Variants in ABCB1 observed in about 807,000 individuals in gnomAD.
The protein encoded by ABCB1 is ATP-dependent translocase ABCB1.
A neutral mutation model predicts 142.0 loss-of-function variants in ABCB1; 69 were observed. The observed-to-expected ratio is 0.49, with a 90% CI of 0.40 to 0.59. The LOEUF is 0.59. Ranked by LOEUF, ABCB1 falls within the 20% of genes least tolerant of loss-of-function variation. The pLI, the probability that ABCB1 is intolerant of heterozygous loss-of-function variation, is 0.00. For missense variants in ABCB1, 1,326 were observed against 1,554.7 expected, an observed-to-expected ratio of 0.85 and a Z score of 2.47; for synonymous variants, 532 against 539.2, an observed-to-expected ratio of 0.99 and a Z score of 0.18.
At chr7:87,571,497 A>G (rs182395054) in intron 4 of ABCB1, among the ~76,000 whole-genome samples, 5 of 150,730 alleles carry the variant, frequency 3.3e-5, no homozygotes, top group African/African-American at 1.2e-4. Context: ...TCTAAATGAG[A>G]ATAGAAAAGA....
intron 1 of ABCB1, among the ~76,000 whole-genome samples, chr7:87,668,974 A>G (rs951123307): frequency 2.0e-5 from 3 of 152,018 alleles, no homozygotes; most frequent in Non-Finnish European, 4.4e-5. Flanking sequence ...GGAGAGTTCT[A>G]TAGAGGTGTA....
chr7:87,705,766 G>C (rs1453674900), intron 1 of ABCB1, among the ~76,000 whole-genome samples: 1 of 151,840 alleles, frequency 6.6e-6, no homozygotes, highest in Non-Finnish European at 1.5e-5. Context: ...TCTGCTCTTG[G>C]GTCATATGCT....
chr7:87,519,359 G>A lies in ABCB1; in HGVS notation c.2894C>T (p.Ala965Val), dbSNP rs1815387101. 2 of 1,614,088 alleles carry A rather than the reference G, an allele frequency of 1.2e-6. No homozygotes were observed. Among genetic ancestry groups the A allele is most frequent in the South Asian group, 2.2e-5 (2 of 91,084 alleles). ...GCFRFGAYLV[A>V]HKLMSFEDVL... ...ATCCTCAAAGCTCATGAGTTTATGT[G>A]CCACCAAGTAGGCTCCAAACCGGAA... Residue 965 changes from alanine (A) to valine (V), a missense_variant, in exon 23 of 28, where the codon GCA (alanine) becomes GTA (valine). Physicochemically the swap from Ala to Val is moderately conservative, Grantham distance 64. Transcript: ENST00000622132.
At chr7:87,634,009 T>C (rs1360276547) in intron 1 of ABCB1, among the ~76,000 whole-genome samples, 1 of 152,032 alleles carries the variant, frequency 6.6e-6, no homozygotes, top group Non-Finnish European at 1.5e-5. Context: ...CAAAACATGG[T>C]GGAGAGAGTC....
chr7:87,634,651 A>T (rs1185338087), intron 1 of ABCB1, among the ~76,000 whole-genome samples: 1 of 152,146 alleles, frequency 6.6e-6, no homozygotes, highest in East Asian at 1.9e-4. Context: ...AAAAAAAAGA[A>T]CTTTAAATCC....
At chr7:87,580,453 C>CT (rs988269978) in intron 4 of ABCB1, among the ~76,000 whole-genome samples, 1 of 152,134 alleles carries the variant, frequency 6.6e-6, no homozygotes, top group African/African-American at 2.4e-5. Flanking sequence ...TTATTTGTTC[C>CT]TTTTCTCTTG....
intron 4 of ABCB1, among the ~76,000 whole-genome samples, chr7:87,581,846 C>T (rs1456036998): frequency 1.3e-5 from 2 of 152,160 alleles, no homozygotes; most frequent in Non-Finnish European, 2.9e-5. Context: ...ATCTAGTCCA[C>T]CCCCATGGAG....
In ABCB1 at chr7:87,549,913, C is replaced by A. The variant is rs1171458375; in HGVS notation, c.1492G>T (p.Asp498Tyr). Residue 498 changes from aspartate (D) to tyrosine (Y), a missense_variant, in exon 13 of 28, where the codon GAT becomes TAT. Coordinates refer to ENST00000622132, the MANE Select transcript of ABCB1 (RefSeq NM_001348946.2). ...TCCTTGACAGCTTTCTCAATCTCATCCATGGTGACATTTTCACGGCCATAG... is the reference window on the plus strand; with the variant it reads ...TCCTTGACAGCTTTCTCAATCTCATACATGGTGACATTTTCACGGCCATAG... Reference protein sequence around the residue: ...IRYGRENVTMDEIEKAVKEAN... With the variant: ...IRYGRENVTMYEIEKAVKEAN... 5.0e-6 allele frequency: 8 copies of A among 1,614,102 alleles called. No homozygotes were observed. The East Asian group carries it at 6.7e-5, about 13-fold the overall frequency.
chr7:87,655,264 C>T (rs1327872598), intron 1 of ABCB1, among the ~76,000 whole-genome samples: 1 of 152,130 alleles, frequency 6.6e-6, no homozygotes, highest in Non-Finnish European at 1.5e-5. Flanking sequence ...AGAGTTATCT[C>T]TACTCCCATG....
At chr7:87,665,459 A>G (rs1233922878) in intron 1 of ABCB1, among the ~76,000 whole-genome samples, 1 of 152,152 alleles carries the variant, frequency 6.6e-6, no homozygotes, top group African/African-American at 2.4e-5. Context: ...ATAGAAATAT[A>G]TCTCATGCTC....
At chr7:87,590,849 G>A (rs1012547376) in intron 3 of ABCB1, among the ~76,000 whole-genome samples, 1 of 152,184 alleles carries the variant, frequency 6.6e-6, no homozygotes. Context: ...GATATGATGT[G>A]GCTGCTATGG....
chr7:87,538,920 C>T (rs1438490311), intron 19 of ABCB1, among the ~76,000 whole-genome samples: 1 of 151,942 alleles, frequency 6.6e-6, no homozygotes, highest in East Asian at 1.9e-4. Flanking sequence ...AACACTCGTG[C>T]CCTGGGTTTG....
At chr7:87,527,208 T>C (rs1815820576) in intron 21 of ABCB1, among the ~76,000 whole-genome samples, 1 of 152,198 alleles carries the variant, frequency 6.6e-6, no homozygotes, top group Non-Finnish European at 1.5e-5. Flanking sequence ...GACCCAGCTC[T>C]GATCCTTAAT....
intron 2 of ABCB1, among the ~76,000 whole-genome samples, chr7:87,599,289 T>G (rs1819344031): frequency 6.6e-6 from 1 of 152,174 alleles, no homozygotes; most frequent in Non-Finnish European, 1.5e-5. Flanking sequence ...TGATCAAAAT[T>G]TACTTTAAAT....
intron 1 of ABCB1, among the ~76,000 whole-genome samples, chr7:87,620,579 T>C (rs1820190012): frequency 6.6e-6 from 1 of 152,244 alleles, no homozygotes; most frequent in South Asian, 2.1e-4. Context: ...TCCAGTATTT[T>C]AGTTTTGAAA....
intron 21 of ABCB1, among the ~76,000 whole-genome samples, chr7:87,525,300 C>G (rs533706323): frequency 6.6e-6 from 1 of 152,220 alleles, no homozygotes; most frequent in African/African-American, 2.4e-5. Context: ...AAAAAATAGC[C>G]TCCTGACATT....
At chr7:87,510,694 T>A in intron 25 of ABCB1, among the ~76,000 whole-genome samples, 1 of 152,096 alleles carries the variant, frequency 6.6e-6, no homozygotes. Flanking sequence ...TAGAGTACAA[T>A]CTTTGCTACA....
intron 25 of ABCB1, among the ~76,000 whole-genome samples, chr7:87,514,707 T>C (rs143725456): frequency 0.01 from 1,574 of 152,326 alleles, 10 homozygotes; most frequent in Non-Finnish European, 0.014. Flanking sequence ...TTTCTTCCCC[T>C]AATCATACTT....
chr7:87,522,465 A>T, intron 21 of ABCB1: 1 of 555,118 alleles, frequency 1.8e-6, no homozygotes, highest in Non-Finnish European at 3.5e-6. Context: ...CAGAGAAGTG[A>T]CAGGGAAGCT....
Sources: allele counts gnomAD v4.1 joint callset (sites outside exome capture counted in the v4.1 genomes callset), GRCh38; gene constraint gnomAD v4.1.1; transcripts MANE v1.5; gene names NCBI Gene and HGNC (gene_info 2026-07-23, HGNC 2026-07-21).